The following DAB1 variants were observed in gnomAD, a reference collection of about 807,000 sequenced individuals.
DAB1 encodes the protein disabled homolog 1.
Under a neutral mutation model 64.6 loss-of-function variants are expected in DAB1, and 15 were observed. The observed-to-expected ratio is 0.23, with a 90% confidence interval of 0.16 to 0.36. The LOEUF is 0.36. DAB1 is among the 10% of genes least tolerant of loss of function. The pLI is 1.00. For missense variants in DAB1, 596 were observed against 706.7 expected, an observed-to-expected ratio of 0.84 and a Z score of 1.78; for synonymous variants, 235 against 251.9, an observed-to-expected ratio of 0.93 and a Z score of 0.64.
chr1:58,226,792 C>G (rs1396535650), intron 4 of DAB1, among the ~76,000 whole-genome samples: 1 of 152,198 alleles, frequency 6.6e-6, no homozygotes, highest in African/African-American at 2.4e-5. Flanking sequence ...ATAGCTTACT[C>G]TAAGCACAGA....
chr1:57,303,775 G>C (rs1462145566), intron 1 of DAB1, among the ~76,000 whole-genome samples: 1 of 152,192 alleles, frequency 6.6e-6, no homozygotes, highest in Non-Finnish European at 1.5e-5. Flanking sequence ...ATCCTGTGCA[G>C]TGGGAACAAC....
chr1:57,198,689 A>ACC (rs1553155121), intron 2 of DAB1, among the ~76,000 whole-genome samples: 491 of 148,224 alleles, frequency 3.3e-3, no homozygotes, highest in African/African-American at 7.2e-3. Context: ...ACACACACAC[A>ACC]CCCATCAACT....
rs185685802 is a variant in DAB1 at position 57,021,459 on chromosome 1, C to T, written c.895+2072G>A. Reference sequence around the variant, plus strand: ...ATCATGGGGGTGGTTTTCCCCACACCGTTCTCATGGTAGTGAGTAAGTCTC... The same window carrying T: ...ATCATGGGGGTGGTTTTCCCCACACTGTTCTCATGGTAGTGAGTAAGTCTC... On this transcript the variant is annotated intron_variant, in intron 11 of 14. Coordinates refer to ENST00000371236, the MANE Select transcript of DAB1 (RefSeq NM_001365792.1). Among the ~76,000 whole-genome samples the T allele has an allele frequency of 3.7e-4, 56 of 152,262 alleles. 1 individual carries two copies. The East Asian group carries it at 9.9e-3, about 27-fold the overall frequency.
At chr1:57,227,974 G>A (rs928436813) in intron 2 of DAB1, among the ~76,000 whole-genome samples, 1 of 152,148 alleles carries the variant, frequency 6.6e-6, no homozygotes, top group South Asian at 2.1e-4. Flanking sequence ...TAAGTTAGAG[G>A]CATTAGTTAT....
At chr1:57,608,242 C>T (rs1344829692) in intron 7 of DAB1, among the ~76,000 whole-genome samples, 1 of 152,088 alleles carries the variant, frequency 6.6e-6, no homozygotes, top group East Asian at 1.9e-4. Flanking sequence ...CACACAGACA[C>T]ACACATACAC....
At chr1:57,113,138 C>T (rs1170706663) in intron 4 of DAB1, among the ~76,000 whole-genome samples, 1 of 152,120 alleles carries the variant, frequency 6.6e-6, no homozygotes, top group African/African-American at 2.4e-5. Context: ...GTTTCATAAC[C>T]CAGCTCTGTC....
chr1:57,968,579 A>G (rs1645723831), intron 5 of DAB1, among the ~76,000 whole-genome samples: 1 of 152,188 alleles, frequency 6.6e-6, no homozygotes. Flanking sequence ...GAATTGCGGT[A>G]GAACACAGAT....
chr1:58,410,986 A>G (rs1644662108), intron 3 of DAB1, among the ~76,000 whole-genome samples: 1 of 152,198 alleles, frequency 6.6e-6, no homozygotes, highest in Non-Finnish European at 1.5e-5. Context: ...CTTTTGCTTA[A>G]AGGGAAAAAT....
chr1:57,187,690 TA>T (rs1663710243), intron 2 of DAB1, among the ~76,000 whole-genome samples: 1 of 152,162 alleles, frequency 6.6e-6, no homozygotes, highest in Non-Finnish European at 1.5e-5. Context: ...AAACTGGGGC[TA>T]AAAAGAGGTT....
intron 7 of DAB1, among the ~76,000 whole-genome samples, chr1:57,485,444 T>C (rs1239581069): frequency 6.6e-6 from 1 of 152,194 alleles, no homozygotes; most frequent in African/African-American, 2.4e-5. Flanking sequence ...AGATAATGCA[T>C]GTAAAATGCT....
chr1:58,269,390 A>C (rs1661257999), intron 4 of DAB1, among the ~76,000 whole-genome samples: 1 of 149,872 alleles, frequency 6.7e-6, no homozygotes, highest in South Asian at 2.1e-4. Flanking sequence ...TATATGTGCC[A>C]CATTTTCTTA....
chr1:58,224,763 G>A (rs1352280815), intron 4 of DAB1, among the ~76,000 whole-genome samples: 3 of 152,106 alleles, frequency 2.0e-5, no homozygotes, highest in African/African-American at 7.2e-5. Flanking sequence ...GCCATATGTA[G>A]AAAGCTGAAA....
At chr1:58,026,330 C>T (rs970887054) in intron 5 of DAB1, among the ~76,000 whole-genome samples, 1 of 152,106 alleles carries the variant, frequency 6.6e-6, no homozygotes, top group Admixed American at 6.5e-5. Context: ...CAAGAGGTTT[C>T]AATCTAGGCT....
chr1:58,150,867 GGTGTGTGAT>G (rs1293516134), intron 4 of DAB1, among the ~76,000 whole-genome samples: 2 of 151,718 alleles, frequency 1.3e-5, no homozygotes, highest in Non-Finnish European at 2.9e-5. Flanking sequence ...GACAAGCCCT[GGTGTGTGAT>G]GTTCCCCTTC....
chr1:58,384,890 C>T (rs955990762), intron 3 of DAB1, among the ~76,000 whole-genome samples: 5 of 152,242 alleles, frequency 3.3e-5, no homozygotes, highest in African/African-American at 1.2e-4. Context: ...TCTCGCCTAA[C>T]TGGCAGCTGA....
At chr1:57,058,054 A>C (rs1650013655) in intron 9 of DAB1, among the ~76,000 whole-genome samples, 1 of 152,148 alleles carries the variant, frequency 6.6e-6, no homozygotes, top group African/African-American at 2.4e-5. Context: ...GGATGAAAAA[A>C]CAAAAATCAA....
intron 2 of DAB1, among the ~76,000 whole-genome samples, chr1:58,514,354 G>A (rs987530730): frequency 6.6e-6 from 1 of 152,250 alleles, no homozygotes; most frequent in East Asian, 1.9e-4. Context: ...AACAATACTA[G>A]AGAAATATGT....
chr1:57,350,152 T>C (rs1013286823), intron 1 of DAB1, among the ~76,000 whole-genome samples: 1 of 152,222 alleles, frequency 6.6e-6, no homozygotes, highest in African/African-American at 2.4e-5. Flanking sequence ...TGCTGAGCTC[T>C]GTGATAAGTT....
intron 5 of DAB1, among the ~76,000 whole-genome samples, chr1:58,075,057 C>T (rs1487241664): frequency 6.6e-6 from 1 of 152,182 alleles, no homozygotes; most frequent in Non-Finnish European, 1.5e-5. Flanking sequence ...TTCCATCCAG[C>T]TTGCATAACT....
Sources: gnomAD v4.1 joint callset for allele counts (sites outside exome capture counted in the v4.1 genomes callset) on GRCh38, gnomAD v4.1.1 for gene constraint, MANE v1.5 for transcripts, NCBI Gene and HGNC (gene_info 2026-07-23, HGNC 2026-07-21) for gene names.